Variants in RNF216 observed in about 807,000 individuals in gnomAD.
The protein encoded by RNF216 is ring finger protein 216, also known as E3 ubiquitin-protein ligase RNF216.
RNF216 carries 72 observed loss-of-function variants against 110.8 expected under a neutral mutation model. That is an observed-to-expected ratio of 0.65 (90% confidence interval 0.54 to 0.79). The LOEUF (loss-of-function observed/expected upper bound fraction) is 0.79. Among genes scored for constraint, RNF216 ranks in the 30% least tolerant of loss-of-function variants. The pLI is 0.00. For synonymous variants in RNF216, 495 were observed against 407.5 expected (o/e 1.21, Z -2.59); for missense variants, 1,342 against 1,141.2 (o/e 1.18, Z -2.54).
At chr7:5,665,278 G>T (rs980285050) in intron 13 of RNF216, among the ~76,000 whole-genome samples, 1 of 152,100 alleles carries the variant, frequency 6.6e-6, no homozygotes, top group African/African-American at 2.4e-5. Flanking sequence ...TCAAATCTGG[G>T]AGTGGCCAAG....
intron 13 of RNF216, among the ~76,000 whole-genome samples, chr7:5,703,154 T>C (rs1391492898): frequency 6.6e-6 from 1 of 152,226 alleles, no homozygotes; most frequent in East Asian, 1.9e-4. Flanking sequence ...TCATGCAGCA[T>C]GGACTTCCAC....
intron 13 of RNF216, chr7:5,666,476 G>A (rs925711101): frequency 1.0e-3 from 152 of 152,546 alleles, no homozygotes; most frequent in Non-Finnish European, 1.2e-3. Flanking sequence ...GGGAGGAGCA[G>A]GGTGGGCAGA....
At chr7:5,690,130 A>C (rs1791242504) in intron 13 of RNF216, among the ~76,000 whole-genome samples, 1 of 151,858 alleles carries the variant, frequency 6.6e-6, no homozygotes, top group South Asian at 2.1e-4. Flanking sequence ...GGAGTTTAAG[A>C]CCAGCCTGGC....
intron 1 of RNF216, among the ~76,000 whole-genome samples, chr7:5,778,846 T>A (rs1326319998): frequency 6.6e-6 from 1 of 152,234 alleles, no homozygotes; most frequent in African/African-American, 2.4e-5. Flanking sequence ...CGAGTTCATG[T>A]GATTCTCCTG....
At chr7:5,642,802 C>G (rs1423379831) in intron 14 of RNF216, among the ~76,000 whole-genome samples, 1 of 152,158 alleles carries the variant, frequency 6.6e-6, no homozygotes, top group Admixed American at 6.6e-5. Flanking sequence ...TAATGAAAAA[C>G]TTTTCAATTT....
intron 3 of RNF216, among the ~76,000 whole-genome samples, chr7:5,743,453 G>A (rs940864214): frequency 6.6e-6 from 1 of 152,088 alleles, no homozygotes; most frequent in African/African-American, 2.4e-5. Context: ...TTACTTATTT[G>A]TTCTACAAAA....
chr7:5,671,789 G>A (rs1197549483), intron 13 of RNF216, among the ~76,000 whole-genome samples: 1 of 95,864 alleles, frequency 1.0e-5, no homozygotes, highest in African/African-American at 4.6e-5. Flanking sequence ...TGAGCAAAGA[G>A]ACCAAAACTC....
chr7:5,755,620 T>C (rs1795594436), intron 2 of RNF216, among the ~76,000 whole-genome samples: 1 of 152,244 alleles, frequency 6.6e-6, no homozygotes, highest in African/African-American at 2.4e-5. Flanking sequence ...TTGAGATACA[T>C]CCATACTGCA....
intron 8 of RNF216, among the ~76,000 whole-genome samples, chr7:5,724,678 T>C (rs1282514001): frequency 6.6e-6 from 1 of 152,220 alleles, no homozygotes; most frequent in Non-Finnish European, 1.5e-5. Context: ...TACCTGAGTT[T>C]CCACTTAGTC....
At chr7:5,677,218 T>C (rs852403) in intron 13 of RNF216, among the ~76,000 whole-genome samples, 13,489 of 152,278 alleles carry the variant, frequency 0.089, 1,493 homozygotes, top group African/African-American at 0.26. Flanking sequence ...TAGAGACTGC[T>C]CAGCACGTGC....
chr7:5,766,485 G>A (rs1032267752), intron 1 of RNF216, among the ~76,000 whole-genome samples: 1 of 151,660 alleles, frequency 6.6e-6, no homozygotes, highest in Non-Finnish European at 1.5e-5. Flanking sequence ...ATGATGGCTG[G>A]GCACTCTGAG....
chr7:5,639,905 G>A (rs1263335203), intron 15 of RNF216, among the ~76,000 whole-genome samples: 3 of 151,676 alleles, frequency 2.0e-5, no homozygotes, highest in East Asian at 1.9e-4. Context: ...GACTACAGGC[G>A]CCTGCCACCA....
chr7:5,753,005 A>G, intron 2 of RNF216, 26 bp from the exon 3 acceptor site: 1 of 1,594,504 alleles, frequency 6.3e-7, no homozygotes, highest in Non-Finnish European at 8.5e-7. Context: ...GAACACTGTT[A>G]CTGGGAGGTT....
At chr7:5,656,065 T>C (rs1362261833) in intron 13 of RNF216, among the ~76,000 whole-genome samples, 1 of 152,110 alleles carries the variant, frequency 6.6e-6, no homozygotes, top group African/African-American at 2.4e-5. Flanking sequence ...GGTCAGGAGT[T>C]TGAGACCAGC....
chr7:5,660,978 TCTCGC>T (rs1789098912), intron 13 of RNF216, among the ~76,000 whole-genome samples: 1 of 125,262 alleles, frequency 8.0e-6, no homozygotes, highest in African/African-American at 3.3e-5. Context: ...TGAAACAGCA[TCTCGC>T]TTTGTCACCC....
At chr7:5,693,380 G>A (rs1791449187) in intron 13 of RNF216, among the ~76,000 whole-genome samples, 1 of 152,202 alleles carries the variant, frequency 6.6e-6, no homozygotes, top group Non-Finnish European at 1.5e-5. Flanking sequence ...CCTCAGTATG[G>A]ATGCTGACCC....
intron 3 of RNF216, among the ~76,000 whole-genome samples, chr7:5,751,550 T>C (rs1172423435): frequency 6.6e-6 from 1 of 152,150 alleles, no homozygotes; most frequent in Non-Finnish European, 1.5e-5. Context: ...TCATTGGGAA[T>C]CATAATGAAT....
intron 14 of RNF216, among the ~76,000 whole-genome samples, chr7:5,645,600 T>TC (rs1788003243): frequency 6.6e-6 from 1 of 151,766 alleles, no homozygotes; most frequent in Non-Finnish European, 1.5e-5. Context: ...AATTTTTCTT[T>TC]TTTTTTTTTG....
intron 3 of RNF216, among the ~76,000 whole-genome samples, chr7:5,747,475 C>T (rs1046571132): frequency 1.3e-5 from 2 of 152,200 alleles, no homozygotes; most frequent in African/African-American, 2.4e-5. Context: ...AAATATCAGA[C>T]GTGACCCTTA....
Sources: gnomAD v4.1 joint callset for allele counts (sites outside exome capture counted in the v4.1 genomes callset) on GRCh38, gnomAD v4.1.1 for gene constraint, MANE v1.5 for transcripts, NCBI Gene and HGNC (gene_info 2026-07-23, HGNC 2026-07-21) for gene names.